Variants in DROSHA observed in about 807,000 individuals in gnomAD.
The protein encoded by DROSHA is drosha ribonuclease III.
A neutral mutation model predicts 181.9 loss-of-function variants in DROSHA; 56 were observed. The ratio of observed to expected loss-of-function variants is 0.31; its 90% CI spans 0.25 to 0.38. DROSHA has a LOEUF of 0.38. Ranked by LOEUF, DROSHA falls within the 10% of genes least tolerant of loss-of-function variation. The pLI, the probability that DROSHA is intolerant of heterozygous loss-of-function variation, is 1.00. For synonymous variants in DROSHA, 524 were observed against 591.2 expected, an observed-to-expected ratio of 0.89 and a Z score of 1.65; for missense variants, 1,218 against 1,743.5, an observed-to-expected ratio of 0.70 and a Z score of 5.37.
At chr5:31,466,107 G>C in intron 19 of DROSHA, 75 bp downstream of exon 19, 1 of 1,433,158 alleles carries the variant, frequency 7.0e-7, no homozygotes. Context: ...CAGAAGTATA[G>C]TGTGATACAA....
At position 31,449,475 on chromosome 5, in the gene DROSHA, G is replaced by A. The variant is rs898935556; in HGVS notation, c.2683-56C>T. ...TAAAACAGCATAAACTGGGTGCAGT[G>A]GCTCACGCCTGTAATCCTAAGGTGG... On this transcript the variant is annotated intron_variant, in intron 21 of 35. Transcript: ENST00000344624. The A allele has an allele frequency of 2.6e-6, 4 of 1,523,344 alleles. No individual in the cohort carries two copies. The African/African-American group carries it at 5.5e-5, about 21-fold the overall frequency. The allele number at this position is 1,523,344 out of a possible 1,614,324, so 94.4% of individuals were successfully genotyped here.
intron 15 of DROSHA, 138 bp from the exon 16 acceptor site, chr5:31,483,766 T>C (rs1040339040): frequency 6.7e-6 from 5 of 746,532 alleles, no homozygotes. Flanking sequence ...TACCACCACC[T>C]CCTGCCACTC....
chr5:31,427,015 T>C (rs753156970), intron 27 of DROSHA, among the ~76,000 whole-genome samples: 4 of 152,158 alleles, frequency 2.6e-5, no homozygotes, highest in African/African-American at 4.8e-5. Flanking sequence ...TCCTAAGGTT[T>C]CTGGTTTAGA....
Position 31,515,101 on chromosome 5 carries a change from C to G in DROSHA, c.1177G>C (p.Glu393Gln). 6.2e-7 allele frequency: 1 copy of G among 1,613,942 alleles called. No individual in the cohort carries two copies. Among genetic ancestry groups the G allele is most frequent in the East Asian group, 2.2e-5 (1 of 44,890 alleles). Residue 393 changes from glutamate (E) to glutamine (Q), a missense_variant, in exon 8 of 36, where the codon GAG becomes CAG. By Grantham distance (29) the Glu-to-Gln change is conservative. Transcript: ENST00000344624. The part of the protein sequence containing the change: ...NYTSIKEKEP[E>Q]ETMPDKNEEE... ...TCATTCTTGTCAGGCATGGTCTCCT[C>G]GGGCTCTTTTTCCTTGATTGAGGTA... is the stretch of plus-strand genomic sequence containing the variant.
rs202170962 is a variant in DROSHA at position 31,447,040 on chromosome 5, G to A, written c.2882+1507C>T. Among the ~76,000 whole-genome samples the A allele has an allele frequency of 7.7e-4, 114 of 148,232 alleles. No individual in the cohort carries two copies. The East Asian group carries it at 0.018, about 23-fold the overall frequency. ...GGGCAGCAGAATGAGATACTGTCTC[G>A]AAAAAAAAAATGTGGTACTTACACA... On this transcript the variant is annotated intron_variant, in intron 23 of 35. Transcript: ENST00000344624.
chr5:31,530,339 A>G (rs770596739), intron 3 of DROSHA, among the ~76,000 whole-genome samples: 10 of 152,098 alleles, frequency 6.6e-5, no homozygotes, highest in African/African-American at 2.4e-4. Flanking sequence ...GGGCCCGGAC[A>G]GGTGCTCCTG....
intron 5 of DROSHA, 132 bp from the exon 6 acceptor site, chr5:31,521,347 T>C (rs1580378355): frequency 1.2e-6 from 1 of 807,082 alleles, no homozygotes; most frequent in Non-Finnish European, 2.0e-6. Context: ...CTGGGGGACA[T>C]TTTTATGCCT....
At chr5:31,418,267 C>CAG (rs917135221) in intron 30 of DROSHA, among the ~76,000 whole-genome samples, 6 of 147,624 alleles carry the variant, frequency 4.1e-5, no homozygotes, top group African/African-American at 1.0e-4. Context: ...GAGAGGGAGA[C>CAG]AGAGAGAGAG....
chr5:31,448,218 A>C (rs139492396), intron 23 of DROSHA, among the ~76,000 whole-genome samples: 15 of 152,366 alleles, frequency 9.8e-5, no homozygotes, highest in Non-Finnish European at 1.6e-4. Context: ...CAAATCCTGA[A>C]AACATGCTAA....
chr5:31,424,359 A>C, intron 28 of DROSHA, 68 bp downstream of exon 28: 2 of 1,538,212 alleles, frequency 1.3e-6, no homozygotes, highest in Non-Finnish European at 8.8e-7. Context: ...AAGGAAAAAA[A>C]GGCAAAGGAA....
chr5:31,484,762 G>A, intron 15 of DROSHA, 119 bp downstream of exon 15: 2 of 694,844 alleles, frequency 2.9e-6, no homozygotes, highest in Non-Finnish European at 2.4e-6. Context: ...ACTTTTCTCT[G>A]GGTATTTAAA....
intron 5 of DROSHA, 44 bp from the exon 6 acceptor site, chr5:31,521,259 C>T: frequency 6.3e-7 from 1 of 1,589,652 alleles, no homozygotes; most frequent in Non-Finnish European, 8.6e-7. Context: ...CAGAAAGACT[C>T]AAAAACACCA....
rs965209891 is a variant in DROSHA at position 31,408,014 on chromosome 5, A to G, written c.3854+1042T>C. ...AAAGGAAATATGGTTTAGCAGTGAC[A>G]ACTTCTTGGTGTAATTTATAGTAGC... is the stretch of plus-strand genomic sequence containing the variant. On this transcript the variant is annotated intron_variant, in intron 33 of 35. Coordinates refer to ENST00000344624, the MANE Select transcript of DROSHA (RefSeq NM_001382508.1). 1.3e-4 allele frequency among the ~76,000 whole-genome samples: 20 copies of G among 152,168 alleles called. 1 individual carries two copies. The South Asian group carries it at 4.1e-3, about 32-fold the overall frequency.
intron 5 of DROSHA, 93 bp downstream of exon 5, chr5:31,525,986 C>T: frequency 8.0e-7 from 1 of 1,242,372 alleles, no homozygotes; most frequent in Non-Finnish European, 1.1e-6. Context: ...TCAAGATGCC[C>T]TACTGGATCC....
intron 16 of DROSHA, among the ~76,000 whole-genome samples, chr5:31,483,254 A>T (rs138186378): frequency 2.0e-5 from 3 of 152,144 alleles, no homozygotes; most frequent in East Asian, 1.9e-4. Context: ...CCAATTAGCC[A>T]TATGCATTTT....
intron 14 of DROSHA, among the ~76,000 whole-genome samples, chr5:31,485,212 G>A (rs1751582378): frequency 1.3e-5 from 2 of 152,072 alleles, no homozygotes; most frequent in Admixed American, 1.3e-4. Flanking sequence ...AATTCAAAAA[G>A]TAAAGTCTCA....
rs539235202 is a variant in DROSHA, at chr5:31,470,900, G to A, written c.2241+1163C>T. 6.6e-6 allele frequency among the ~76,000 whole-genome samples: 1 copy of A among 152,286 alleles called. No homozygotes were observed. The highest frequency in any genetic ancestry group is 1.9e-4 in the East Asian group (1 of 5,182). Reference sequence around the variant, plus strand: ...CTCTGACTCAGCATGAAAAGTGACAGAGGGAATATCAATATATGCAACTGT... The same window carrying A: ...CTCTGACTCAGCATGAAAAGTGACAAAGGGAATATCAATATATGCAACTGT... On this transcript the variant is annotated intron_variant, in intron 17 of 35. Transcript: ENST00000344624. The surrounding 1 kb of genome is among the most constrained non-coding windows in gnomAD (Gnocchi z 4.0).
chr5:31,472,161 G>A lies in DROSHA; in HGVS notation c.2143C>T (p.Pro715Ser), dbSNP rs768940137. Residue 715 changes from proline to serine, a missense_variant, in exon 17 of 36, where the codon CCT (proline) becomes TCT (serine). By Grantham distance (74) the Pro-to-Ser change is moderately conservative. This residue lies in a region of DROSHA where 460 missense variants were observed against 774.2 expected (regional missense o/e 0.59). Transcript: ENST00000344624. ...AGCATATTGGCAATCTCCTCCTCAGGCACCAGGGCTTTGCTGCACCTTAAC... is the reference window on the plus strand; with the variant it reads ...AGCATATTGGCAATCTCCTCCTCAGACACCAGGGCTTTGCTGCACCTTAAC... ...YLLRCSKALV[P>S]EEEIANMLQW... The A allele has an allele frequency of 8.7e-6, 14 of 1,613,742 alleles. No individual in the cohort carries two copies. Among genetic ancestry groups the A allele is most frequent in the African/African-American group, 1.3e-5 (1 of 74,882 alleles).
At chr5:31,496,859 C>G (rs1271077720) in intron 11 of DROSHA, among the ~76,000 whole-genome samples, 1 of 152,256 alleles carries the variant, frequency 6.6e-6, no homozygotes, top group Non-Finnish European at 1.5e-5. Flanking sequence ...CTCACTGAGT[C>G]CCTGCATCAG....
Sources: gnomAD v4.1 joint callset for allele counts (sites outside exome capture counted in the v4.1 genomes callset) on GRCh38, gnomAD v4.1.1 for gene constraint, gnomAD v4.1.1 regional missense constraint, Gnocchi (gnomAD v3.1) non-coding constraint, MANE v1.5 for transcripts, NCBI Gene and HGNC (gene_info 2026-07-23, HGNC 2026-07-21) for gene names.